DCBLD2: variants seen among roughly 807,000 people sequenced by gnomAD.
DCBLD2 encodes discoidin, CUB and LCCL domain-containing protein 2.
A neutral mutation model predicts 86.8 loss-of-function variants in DCBLD2; 54 were observed. The observed-to-expected ratio is 0.62, with a 90% CI of 0.50 to 0.78. DCBLD2 has a LOEUF of 0.78. Ranked by LOEUF, DCBLD2 falls within the 30% of genes least tolerant of loss-of-function variation. The probability of loss-of-function intolerance (pLI) is 0.00; values close to 1 mark genes in which losing one functional copy is unlikely to be tolerated. For missense variants in DCBLD2, 908 were observed against 954.2 expected (o/e 0.95, Z 0.64); for synonymous variants, 354 against 341.3 (o/e 1.04, Z -0.41).
At chr3:98,864,449 C>T (rs528984898) in intron 2 of DCBLD2, among the ~76,000 whole-genome samples, 5 of 152,250 alleles carry the variant, frequency 3.3e-5, no homozygotes, top group Non-Finnish European at 7.3e-5. Flanking sequence ...GACTTGGAAC[C>T]AACCCAAATG....
chr3:98,810,058 T>A (rs539993596), intron 12 of DCBLD2, among the ~76,000 whole-genome samples: 33 of 152,132 alleles, frequency 2.2e-4, no homozygotes, highest in Admixed American at 3.9e-4. Context: ...ACCAACTCAT[T>A]CTTTGTTATT....
chr3:98,857,730 G>A (rs535632788), intron 2 of DCBLD2, among the ~76,000 whole-genome samples: 57 of 152,016 alleles, frequency 3.7e-4, no homozygotes, highest in Admixed American at 8.5e-4. Context: ...GTCCCCACTA[G>A]AGTAGCTAGA....
intron 15 of DCBLD2, among the ~76,000 whole-genome samples, chr3:98,800,179 G>C (rs1261840927): frequency 1.3e-5 from 2 of 152,052 alleles, no homozygotes; most frequent in Admixed American, 6.6e-5. Flanking sequence ...TCAGTTACTG[G>C]AATAAATATT....
intron 2 of DCBLD2, among the ~76,000 whole-genome samples, chr3:98,860,591 T>A (rs1484807427): frequency 1.3e-5 from 2 of 152,160 alleles, no homozygotes; most frequent in African/African-American, 2.4e-5. Context: ...AAGGAAAGAA[T>A]TTTCAACCCG....
chr3:98,857,811 G>T (rs937963058), intron 2 of DCBLD2, among the ~76,000 whole-genome samples: 2 of 152,230 alleles, frequency 1.3e-5, no homozygotes, highest in African/African-American at 4.8e-5. Context: ...TACAAACCTT[G>T]AGCTAGATAC....
chr3:98,890,747 T>G (rs1200059795), intron 1 of DCBLD2, among the ~76,000 whole-genome samples: 1 of 152,058 alleles, frequency 6.6e-6, no homozygotes, highest in African/African-American at 2.4e-5. Flanking sequence ...CAACTGCATC[T>G]CGCAGACCTT....
chr3:98,901,545 C>T lies in DCBLD2; in HGVS notation c.-219G>A, dbSNP rs566640085. ...CCCGCGCCGAGACCCCAGGCCGGAGCGCAGGGGAGGGGAGGGAAGGAAGCG... is the reference window on the plus strand; with the variant it reads ...CCCGCGCCGAGACCCCAGGCCGGAGTGCAGGGGAGGGGAGGGAAGGAAGCG... On this transcript the variant is annotated 5_prime_UTR_variant, in exon 1 of 16. Coordinates refer to ENST00000326840, the MANE Select transcript of DCBLD2 (RefSeq NM_080927.4). 5.0e-5 allele frequency: 19 copies of T among 377,404 alleles called. No individual in the cohort carries two copies. Among genetic ancestry groups the T allele is most frequent in the African/African-American group, 4.0e-4 (19 of 47,268 alleles). 23.4% of individuals were successfully genotyped at this position (377,404 alleles called of 1,614,324 possible).
rs1221399256 is a variant in DCBLD2, at chr3:98,796,158, G to GAGA, written c.*3211_*3213dup. The GAGA allele has an allele frequency of 6.6e-6, 1 of 152,468 alleles. No individual in the cohort carries two copies. Among genetic ancestry groups the GAGA allele is most frequent in the Non-Finnish European group, 1.5e-5 (1 of 68,016 alleles). The allele number at this position is 152,468 out of a possible 1,614,324, so 9.4% of individuals were successfully genotyped here. ...CCGAGGTAAGATAAGTACATTCTGG[G>GAGA]AGAATATCACTGACGCTCAAACCAT... On this transcript the variant is annotated 3_prime_UTR_variant, in exon 16 of 16. Coordinates refer to ENST00000326840, the MANE Select transcript of DCBLD2 (RefSeq NM_080927.4).
At chr3:98,833,655 C>A (rs553207856) in intron 3 of DCBLD2, among the ~76,000 whole-genome samples, 1 of 152,228 alleles carries the variant, frequency 6.6e-6, no homozygotes, top group Admixed American at 6.5e-5. Context: ...GCAGCCCTGT[C>A]CAGTGAGGAG....
intron 3 of DCBLD2, among the ~76,000 whole-genome samples, chr3:98,845,291 G>C (rs934278974): frequency 6.6e-6 from 1 of 152,098 alleles, no homozygotes; most frequent in Non-Finnish European, 1.5e-5. Context: ...ACTCCAGGTA[G>C]AGAGCCCAAG....
intron 4 of DCBLD2, among the ~76,000 whole-genome samples, chr3:98,823,260 T>G (rs887383555): frequency 1.5e-4 from 23 of 152,212 alleles, no homozygotes; most frequent in African/African-American, 5.3e-4. Flanking sequence ...GAAACATTTT[T>G]TTGTCTTATT....
At chr3:98,826,299 G>A (rs554521905) in intron 3 of DCBLD2, among the ~76,000 whole-genome samples, 1 of 152,312 alleles carries the variant, frequency 6.6e-6, no homozygotes, top group African/African-American at 2.4e-5. Flanking sequence ...AGTCTTGTGT[G>A]TACCTGCCTT....
intron 3 of DCBLD2, among the ~76,000 whole-genome samples, chr3:98,838,754 A>G (rs1469633135): frequency 6.6e-6 from 1 of 152,116 alleles, no homozygotes; most frequent in Non-Finnish European, 1.5e-5. Context: ...CAGCCTGGGC[A>G]CCATTGAGCA....
intron 3 of DCBLD2, among the ~76,000 whole-genome samples, chr3:98,840,204 G>C (rs922740429): frequency 2.0e-5 from 3 of 152,176 alleles, no homozygotes; most frequent in Non-Finnish European, 2.9e-5. Flanking sequence ...TGCCGTAATT[G>C]AGGTAAAAGT....
At chr3:98,878,308 G>C (rs898524269) in intron 2 of DCBLD2, among the ~76,000 whole-genome samples, 1 of 152,082 alleles carries the variant, frequency 6.6e-6, no homozygotes, top group Admixed American at 6.5e-5. Flanking sequence ...TGAGAACAGC[G>C]CATCTGTGGT....
intron 2 of DCBLD2, among the ~76,000 whole-genome samples, chr3:98,871,068 G>A (rs1334197323): frequency 6.6e-6 from 1 of 151,134 alleles, no homozygotes; most frequent in Non-Finnish European, 1.5e-5. Context: ...ATGGGACTGA[G>A]TTCTTGATTT....
At position 98,808,087 on chromosome 3, in the gene DCBLD2, C is replaced by T. The variant is rs200611163; in HGVS notation, c.1664G>A (p.Arg555Lys). Reference protein sequence around the residue: ...ILILVCAWHWRNRKKKTEGTY... With the variant: ...ILILVCAWHWKNRKKKTEGTY... Reference sequence around the variant, plus strand: ...GAACTAGTTATGTACTAACCTGTTTCTCCAGTGCCAAGCACACACTAATAT... The same window carrying T: ...GAACTAGTTATGTACTAACCTGTTTTTCCAGTGCCAAGCACACACTAATAT... Residue 555 changes from arginine to lysine, a missense_variant, in exon 13 of 16, where the codon AGA (arginine) becomes AAA (lysine). By Grantham distance (26) the Arg-to-Lys change is conservative. Around this residue, in one of 3 missense-constraint regions of DCBLD2, gnomAD observed 606 missense variants for 678.5 expected, o/e 0.89. Coordinates refer to ENST00000326840, the MANE Select transcript of DCBLD2 (RefSeq NM_080927.4). 9.4e-6 allele frequency: 15 copies of T among 1,594,856 alleles called. No individual in the cohort carries two copies. The Admixed American group carries it at 2.6e-4, about 28-fold the overall frequency.
intron 3 of DCBLD2, among the ~76,000 whole-genome samples, chr3:98,846,875 C>CT (rs143880077): frequency 0.35 from 52,992 of 151,644 alleles, 9,375 homozygotes; most frequent in Non-Finnish European, 0.38. Flanking sequence ...ATATGAGAAC[C>CT]TTTTTTTAAA....
intron 2 of DCBLD2, among the ~76,000 whole-genome samples, chr3:98,866,557 GT>G (rs1943149646): frequency 6.6e-6 from 1 of 152,140 alleles, no homozygotes; most frequent in Admixed American, 6.5e-5. Flanking sequence ...TGATGGGGTT[GT>G]TTTTTTCTTG....
Sources: allele counts gnomAD v4.1 joint callset (sites outside exome capture counted in the v4.1 genomes callset), GRCh38; gene constraint gnomAD v4.1.1; regional missense constraint gnomAD v4.1.1; transcripts MANE v1.5; gene names NCBI Gene and HGNC (gene_info 2026-07-23, HGNC 2026-07-21).